NRP2: variants seen among roughly 807,000 people sequenced by gnomAD.
NRP2 encodes the protein neuropilin-2.
A neutral mutation model predicts 110.4 loss-of-function variants in NRP2; 52 were observed. The ratio of observed to expected loss-of-function variants is 0.47; its 90% CI spans 0.38 to 0.59. The LOEUF (loss-of-function observed/expected upper bound fraction) is 0.59. Ranked by LOEUF, NRP2 falls within the 20% of genes least tolerant of loss-of-function variation. NRP2 has a pLI of 0.00. For synonymous variants in NRP2, 508 were observed against 468.9 expected (o/e 1.08, Z -1.08); for missense variants, 1,049 against 1,203.0 (o/e 0.87, Z 1.89).
chr2:205,704,411 C>G (rs1050106968), intron 2 of NRP2, among the ~76,000 whole-genome samples: 2 of 152,164 alleles, frequency 1.3e-5, no homozygotes, highest in Non-Finnish European at 2.9e-5. Context: ...TACTGCCTGC[C>G]CAACCACAGA....
intron 13 of NRP2, chr2:205,764,203 A>G (rs908997290): frequency 6.0e-6 from 3 of 502,638 alleles, no homozygotes; most frequent in East Asian, 3.7e-5. Context: ...TTAGATTGCT[A>G]TCAGGTAGGC....
intron 7 of NRP2, among the ~76,000 whole-genome samples, chr2:205,728,463 C>T (rs756728005): frequency 7.9e-5 from 12 of 152,136 alleles, no homozygotes; most frequent in Non-Finnish European, 1.6e-4. Flanking sequence ...TGAAAGGGCA[C>T]AAATCCTGAG....
At chr2:205,776,164 G>A in intron 15 of NRP2, 1 of 1,367,576 alleles carries the variant, frequency 7.3e-7, no homozygotes, top group Non-Finnish European at 1.0e-6. Flanking sequence ...GCATGTGTGT[G>A]TTTCTTTCTT....
intron 2 of NRP2, chr2:205,700,771 G>A (rs766285050): frequency 1.9e-6 from 1 of 518,558 alleles, no homozygotes; most frequent in African/African-American, 1.9e-5. Flanking sequence ...TGCAATCCAA[G>A]GCCACCATCT....
intron 3 of NRP2, among the ~76,000 whole-genome samples, chr2:205,719,963 C>T (rs894372015): frequency 2.0e-5 from 3 of 152,188 alleles, no homozygotes; most frequent in Non-Finnish European, 2.9e-5. Flanking sequence ...CTTCGTTTAA[C>T]CTTTAAACCT....
intron 3 of NRP2, 22 bp from the exon 4 acceptor site, chr2:205,722,456 T>A: frequency 1.3e-6 from 2 of 1,584,122 alleles, no homozygotes; most frequent in Non-Finnish European, 1.7e-6. Flanking sequence ...TTCTTAGTGC[T>A]ACAGTTCTCT....
chr2:205,713,095 G>T (rs2056830070), intron 2 of NRP2, among the ~76,000 whole-genome samples: 1 of 152,144 alleles, frequency 6.6e-6, no homozygotes, highest in Admixed American at 6.5e-5. Context: ...GTAAATTGAG[G>T]CAAGCTTGTA....
In NRP2 at chr2:205,776,423, A is replaced by G; in HGVS notation, c.2425+9620A>G. 6.2e-7 allele frequency: 1 copy of G among 1,613,234 alleles called. No individual in the cohort carries two copies. Among genetic ancestry groups the G allele is most frequent in the Non-Finnish European group, 8.5e-7 (1 of 1,179,964 alleles). On this transcript the variant is annotated intron_variant, in intron 15 of 16. Transcript: ENST00000357785. ...CGCTATGCGGCCAAGAAGACCGATC[A>G]CTCCATCACCTACAAAACCTCCCAC...
intron 1 of NRP2, among the ~76,000 whole-genome samples, chr2:205,696,310 G>A (rs1372535790): frequency 2.0e-5 from 3 of 152,206 alleles, no homozygotes; most frequent in Non-Finnish European, 4.4e-5. Flanking sequence ...AGTGAACACA[G>A]GAGAAAGACC....
In NRP2 at chr2:205,737,827, T is replaced by C. The variant is rs114665220; in HGVS notation, c.1147-2692T>C. Among the ~76,000 whole-genome samples, 1,430 of 152,298 alleles carry C rather than the reference T, an allele frequency of 9.4e-3. 25 individuals are homozygous for C. Among genetic ancestry groups the C allele is most frequent in the African/African-American group, 0.033 (1,370 of 41,540 alleles). On this transcript the variant is annotated intron_variant, in intron 7 of 16. Transcript: ENST00000357785. ...ACACAAACTGTGTGCTTGCCTCCCT[T>C]CCTGAGTGGTGCTACTGTAAGCAGA... is the stretch of plus-strand genomic sequence containing the variant.
At position 205,723,831 on chromosome 2, in the gene NRP2, A is replaced by G; in HGVS notation, c.711A>G (p.Glu237=). ...ACTGTGGGACCAAAACACCCTCTGAACTTCGTTCATCGACGGGGATCCTCT... is the reference window on the plus strand; with the variant it reads ...ACTGTGGGACCAAAACACCCTCTGAGCTTCGTTCATCGACGGGGATCCTCT... ...GKYCGTKTPS[E]LRSSTGILSL... is the part of the protein sequence containing the mutation. The change falls in exon 5 of 17, where the codon GAA becomes GAG. Residue 237 remains glutamate, a synonymous_variant. Coordinates refer to ENST00000357785, the MANE Select transcript of NRP2 (RefSeq NM_003872.3). 2 of 1,614,114 alleles carry G rather than the reference A, an allele frequency of 1.2e-6. No homozygotes were observed. The highest frequency in any genetic ancestry group is 1.7e-5 in the Admixed American group (1 of 60,022).
At chr2:205,784,237 C>T (rs1175100143) in intron 15 of NRP2, among the ~76,000 whole-genome samples, 3 of 152,192 alleles carry the variant, frequency 2.0e-5, no homozygotes, top group African/African-American at 7.2e-5. Context: ...CAGCCAGCTC[C>T]AGTAACGATG....
rs148958788 is a variant in NRP2 at position 205,709,834 on chromosome 2, T to C, written c.252-6359T>C. On this transcript the variant is annotated intron_variant, in intron 2 of 16. Coordinates refer to ENST00000357785, the MANE Select transcript of NRP2 (RefSeq NM_003872.3). ...GATAACTTAAGAGCTTATAAATATA[T>C]GGGATGCTGCTTTCTCACTCCATGG... 4.9e-3 allele frequency among the ~76,000 whole-genome samples: 740 copies of C among 152,296 alleles called. 2 individuals are homozygous for C. Among genetic ancestry groups the C allele is most frequent in the Admixed American group, 8.0e-3 (122 of 15,302 alleles).
At chr2:205,736,143 A>C (rs898765380) in intron 7 of NRP2, among the ~76,000 whole-genome samples, 9 of 152,256 alleles carry the variant, frequency 5.9e-5, no homozygotes, top group African/African-American at 2.2e-4. Flanking sequence ...GGAGTTCAAG[A>C]CCAGCCTGGC....
At position 205,785,018 on chromosome 2, in the gene NRP2, A is replaced by C. The variant is rs192870218; in HGVS notation, c.2426-7217A>C. On this transcript the variant is annotated intron_variant, in intron 15 of 16. Transcript: ENST00000357785. ...AGAGGTACATTTTTGGTAGCTGTAA[A>C]ATGATATCACAGAGTCATTCATTCT... 6.6e-5 allele frequency among the ~76,000 whole-genome samples: 10 copies of C among 152,324 alleles called. No individual in the cohort carries two copies. The East Asian group carries it at 1.5e-3, about 24-fold the overall frequency.
At chr2:205,722,754 G>C (rs765890874) in intron 4 of NRP2, 46 bp downstream of exon 4, 1 of 1,493,200 alleles carries the variant, frequency 6.7e-7, no homozygotes, top group South Asian at 1.1e-5. Flanking sequence ...GCCTTTGCCT[G>C]TTAATTGCTT....
At chr2:205,722,365 C>G in intron 3 of NRP2, 113 bp from the exon 4 acceptor site, 5 of 870,026 alleles carry the variant, frequency 5.7e-6, no homozygotes, top group Non-Finnish European at 9.5e-6. Flanking sequence ...CCAGTAGCAA[C>G]AAAAACCTCA....
In NRP2 at chr2:205,726,986, G is replaced by A. The variant is rs1056149021; in HGVS notation, c.990+904G>A. On this transcript the variant is annotated intron_variant, in intron 6 of 16. Coordinates refer to ENST00000357785, the MANE Select transcript of NRP2 (RefSeq NM_003872.3). Reference sequence around the variant, plus strand: ...TGCCTCTCCAAAAATCCATCTCCTCGCAGCCTGCAAAACTTCCAGAAAGTT... The same window carrying A: ...TGCCTCTCCAAAAATCCATCTCCTCACAGCCTGCAAAACTTCCAGAAAGTT... 6.6e-5 allele frequency among the ~76,000 whole-genome samples: 10 copies of A among 152,232 alleles called. No individual in the cohort carries two copies. The East Asian group carries it at 1.2e-3, about 18-fold the overall frequency.
intron 3 of NRP2, among the ~76,000 whole-genome samples, chr2:205,717,515 A>G (rs1441641415): frequency 6.6e-6 from 1 of 152,208 alleles, no homozygotes; most frequent in Non-Finnish European, 1.5e-5. Flanking sequence ...TCTGCCCGAG[A>G]ACAAGAACGT....
Sources: gnomAD v4.1 joint callset for allele counts (sites outside exome capture counted in the v4.1 genomes callset) on GRCh38, gnomAD v4.1.1 for gene constraint, MANE v1.5 for transcripts, NCBI Gene and HGNC (gene_info 2026-07-23, HGNC 2026-07-21) for gene names.